Variants in NLRP11 observed in about 807,000 individuals in gnomAD.
The protein encoded by NLRP11 is NACHT, LRR and PYD domains-containing protein 11.
In NLRP11, 53 loss-of-function variants were observed where a neutral mutation model predicts 79.3. That is an observed-to-expected ratio of 0.67 (90% CI 0.54 to 0.84). The LOEUF is 0.84. NLRP11 is among the 40% of genes least tolerant of loss of function. The pLI, the probability that NLRP11 is intolerant of heterozygous loss-of-function variation, is 0.00. For synonymous variants in NLRP11, 518 were observed against 462.6 expected (o/e 1.12, Z -1.54); for missense variants, 1,264 against 1,255.0 (o/e 1.01, Z -0.11).
intron 9 of NLRP11, among the ~76,000 whole-genome samples, chr19:55,787,421 C>T (rs1032700435): frequency 1.3e-5 from 2 of 152,182 alleles, no homozygotes; most frequent in African/African-American, 4.8e-5. Context: ...ACTGCAAACT[C>T]CGCCTCCCAG....
At chr19:55,800,516 C>G (rs1979378245) in intron 5 of NLRP11, among the ~76,000 whole-genome samples, 1 of 152,098 alleles carries the variant, frequency 6.6e-6, no homozygotes, top group African/African-American at 2.4e-5. Context: ...CTATGTTGGC[C>G]AGGCTGGTCT....
At chr19:55,791,057 T>C (rs1990205601) in intron 7 of NLRP11, among the ~76,000 whole-genome samples, 1 of 152,234 alleles carries the variant, frequency 6.6e-6, no homozygotes, top group Non-Finnish European at 1.5e-5. Flanking sequence ...CAACTTTGTT[T>C]TTTATTTATA....
At chr19:55,830,966 A>G (rs1053988129) in intron 1 of NLRP11, among the ~76,000 whole-genome samples, 3 of 152,112 alleles carry the variant, frequency 2.0e-5, no homozygotes, top group Admixed American at 2.0e-4. Flanking sequence ...GTCCCGAAAT[A>G]CAGACACTGA....
Position 55,809,911 on chromosome 19 carries a change from G to A in NLRP11, c.699C>T (p.Asn233=). 1 of 1,614,100 alleles carries A rather than the reference G, an allele frequency of 6.2e-7. No individual in the cohort carries two copies. Among genetic ancestry groups the A allele is most frequent in the Non-Finnish European group, 8.5e-7 (1 of 1,179,940 alleles). ...CATTGACATTTAACTCGAATCTTAT[G>A]TTGTCCAAGTCCTCGAGGATGAAAA... Residue 233 remains asparagine, a synonymous_variant, in exon 3 of 10, where the codon AAC becomes AAT. Transcript: ENST00000589093. This position sits in a 1 kb window ranked among gnomAD's most constrained non-coding sequence, Gnocchi z 4.5.
intron 9 of NLRP11, among the ~76,000 whole-genome samples, chr19:55,787,731 A>T (rs1012632652): frequency 6.6e-6 from 1 of 152,104 alleles, no homozygotes; most frequent in Non-Finnish European, 1.5e-5. Context: ...AACAAACTCT[A>T]TTGCCTTGAA....
chr19:55,812,020 A>C (rs1980654240), intron 2 of NLRP11, among the ~76,000 whole-genome samples: 1 of 151,100 alleles, frequency 6.6e-6, no homozygotes, highest in Non-Finnish European at 1.5e-5. Context: ...AATATGTGAG[A>C]TAATAGATTT....
intron 2 of NLRP11, among the ~76,000 whole-genome samples, chr19:55,814,255 C>T (rs751523148): frequency 4.0e-4 from 61 of 152,096 alleles, no homozygotes; most frequent in Non-Finnish European, 5.9e-4. Context: ...CATCACCCCC[C>T]AATGGGACTG....
At chr19:55,801,725 G>A (rs374728544) in exon 5 of NLRP11, 23 of 1,613,962 alleles carry the variant, frequency 1.4e-5, no homozygotes, top group South Asian at 5.5e-5. Context: ...AGAAGCAGTC[G>A]AGACATAGGA....
At position 55,807,998 on chromosome 19, in the gene NLRP11, C is replaced by T. The variant is rs1369600708; in HGVS notation, c.1858G>A (p.Val620Ile). Residue 620 changes from valine (V) to isoleucine (I), a missense_variant, in exon 4 of 10, where the codon GTC (valine) becomes ATC (isoleucine). Val to Ile is a conservative substitution (Grantham distance 29). Coordinates refer to ENST00000589093, the Ensembl canonical transcript of NLRP11. ...AGAGAGCAGATCTCTCTCCAGTAGA[C>T]AAGGCTCTTCATTTGACTACATAGA... 1.9e-6 allele frequency: 3 copies of T among 1,602,994 alleles called. No individual in the cohort carries two copies. The African/African-American group carries it at 4.0e-5, about 22-fold the overall frequency.
At chr19:55,836,208 T>C (rs529182581), upstream of NLRP11, 20 of 152,324 alleles carry the variant, frequency 1.3e-4, no homozygotes, top group African/African-American at 4.8e-4. Context: ...TCAAGGAGTT[T>C]AGCATGTAGG....
intron 6 of NLRP11, among the ~76,000 whole-genome samples, chr19:55,794,553 G>C (rs935561188): frequency 5.3e-5 from 8 of 152,164 alleles, no homozygotes; most frequent in Non-Finnish European, 1.2e-4. Context: ...GAGGTCAGGA[G>C]ATCGAGACCA....
At chr19:55,835,049 C>G (rs1034270838), upstream of NLRP11, among the ~76,000 whole-genome samples, 26 of 152,202 alleles carry the variant, frequency 1.7e-4, no homozygotes, top group African/African-American at 5.3e-4. Context: ...AGGTCCCCAT[C>G]ATGTCTGCTT....
At chr19:55,834,914 G>T (rs556020407), upstream of NLRP11, among the ~76,000 whole-genome samples, 1 of 152,210 alleles carries the variant, frequency 6.6e-6, no homozygotes, top group East Asian at 1.9e-4. Flanking sequence ...AGGGGAACAT[G>T]TATCACCAGG....
intron 1 of NLRP11, among the ~76,000 whole-genome samples, chr19:55,828,253 CTG>C (rs961590412): frequency 3.0e-5 from 4 of 135,272 alleles, no homozygotes; most frequent in Non-Finnish European, 4.7e-5. Flanking sequence ...ATATCACACT[CTG>C]GGGACTGTGG....
chr19:55,808,848 A>T, exon 3 of NLRP11: 1 of 1,614,076 alleles, frequency 6.2e-7, no homozygotes. Context: ...AGGTGACAGC[A>T]GTAATCCAGA....
At chr19:55,811,065 T>C (rs1039134289) in intron 2 of NLRP11, among the ~76,000 whole-genome samples, 8 of 152,224 alleles carry the variant, frequency 5.3e-5, no homozygotes, top group African/African-American at 1.9e-4. Flanking sequence ...AAGTATCTAT[T>C]ACATCTTGGC....
chr19:55,816,660 G>A (rs1010887906), intron 2 of NLRP11, among the ~76,000 whole-genome samples: 3 of 152,116 alleles, frequency 2.0e-5, no homozygotes, highest in Non-Finnish European at 2.9e-5. Flanking sequence ...TATGGTAGGA[G>A]CGTACCCGGT....
chr19:55,801,819 C>A, intron 4 of NLRP11, 80 bp from the exon 5 acceptor site: 1 of 1,148,390 alleles, frequency 8.7e-7, no homozygotes, highest in South Asian at 1.3e-5. Flanking sequence ...TGCCTCACTT[C>A]ATCCTGTAAC....
chr19:55,803,175 T>A (rs1473856945), intron 4 of NLRP11, among the ~76,000 whole-genome samples: 1 of 152,014 alleles, frequency 6.6e-6, no homozygotes, highest in Non-Finnish European at 1.5e-5. Flanking sequence ...AGTGAAACCC[T>A]GCCTCTACTA....
Sources: gnomAD v4.1 joint callset for allele counts (sites outside exome capture counted in the v4.1 genomes callset) on GRCh38, gnomAD v4.1.1 for gene constraint, Gnocchi (gnomAD v3.1) non-coding constraint, MANE v1.5 for transcripts, NCBI Gene and HGNC (gene_info 2026-07-23, HGNC 2026-07-21) for gene names.